NPR1: variants seen among roughly 807,000 people sequenced by gnomAD.
NPR1 encodes atrial natriuretic peptide receptor 1.
In NPR1, 57 loss-of-function variants were observed where a neutral mutation model predicts 116.9. That is an observed-to-expected ratio of 0.49 (90% CI 0.39 to 0.61). The LOEUF (loss-of-function observed/expected upper bound fraction) is 0.61, where lower values mean the gene tolerates loss of function less well. Ranked by LOEUF, NPR1 falls within the 20% of genes least tolerant of loss-of-function variation. The probability of loss-of-function intolerance (pLI) is 0.00; values close to 1 mark genes in which losing one functional copy is unlikely to be tolerated. For missense variants in NPR1, 1,096 were observed against 1,409.8 expected (o/e 0.78, Z 3.56); for synonymous variants, 555 against 601.6 (o/e 0.92, Z 1.13).
rs1212730638 is a variant in NPR1, at chr1:153,680,555, T to C, written c.776T>C (p.Leu259Pro). Residue 259 changes from leucine to proline, a missense_variant, in exon 2 of 22, where the codon CTG (leucine) becomes CCG (proline). Coordinates refer to ENST00000368680, the MANE Select transcript of NPR1 (RefSeq NM_000906.4). ...DAFRTLMLLA[L>P]EAGLCGEDYV... The stretch of plus-strand genomic sequence containing the variant: ...TTCAGAACCCTCATGCTCCTGGCCC[T>C]GGAAGCTGGCTTGTGTGGGGAGGAC... 6.2e-7 allele frequency: 1 copy of C among 1,614,188 alleles called. No individual in the cohort carries two copies. The highest frequency in any genetic ancestry group is 8.5e-7 in the Non-Finnish European group (1 of 1,180,034).
At chr1:153,690,059 C>T (rs1341922681) in intron 19 of NPR1, 79 bp downstream of exon 19, 6 of 1,311,324 alleles carry the variant, frequency 4.6e-6, no homozygotes, top group Admixed American at 5.1e-5. Flanking sequence ...CCCAGCCCCT[C>T]GCCCTTTCAT....
Position 153,680,686 on chromosome 1 carries a change from C to G in NPR1, c.907C>G (p.Arg303Gly), listed in dbSNP as rs561449958. The G allele has an allele frequency of 6.2e-7, 1 of 1,613,306 alleles. No individual in the cohort carries two copies. Among genetic ancestry groups the G allele is most frequent in the East Asian group, 2.2e-5 (1 of 44,878 alleles). The change falls in exon 2 of 22, where the codon CGC becomes GGC. Residue 303 changes from arginine to glycine, a missense_variant. Transcript: ENST00000368680. ...ERGDGQDVSA[R>G]QAFQAAKIIT... ...AGGGGATGGGCAGGATGTCAGTGCCCGCCAGGCCTTTCAGGTGAGTACCTA... is the reference window on the plus strand; with the variant it reads ...AGGGGATGGGCAGGATGTCAGTGCCGGCCAGGCCTTTCAGGTGAGTACCTA...
In NPR1 at chr1:153,689,739, G is replaced by A. The variant is rs1670039783; in HGVS notation, c.2758-67G>A. 1 of 1,434,338 alleles carries A rather than the reference G, an allele frequency of 7.0e-7. No homozygotes were observed. Among genetic ancestry groups the A allele is most frequent in the Non-Finnish European group, 9.4e-7 (1 of 1,065,396 alleles). The allele number at this position is 1,434,338 out of a possible 1,614,324, so 88.9% of individuals were successfully genotyped here. A position where few individuals can be genotyped will look rare whatever the true frequency, so the allele number is the denominator to read the frequency against. Reference sequence around the variant, plus strand: ...TACAGAATGACAGACGCTGCACCCGGTGTGACGGTGTGGCCGGCCGCACAG... The same window carrying A: ...TACAGAATGACAGACGCTGCACCCGATGTGACGGTGTGGCCGGCCGCACAG... On this transcript the variant is annotated intron_variant, in intron 18 of 21. Coordinates refer to ENST00000368680, the MANE Select transcript of NPR1 (RefSeq NM_000906.4). This position sits in a 1 kb window ranked among gnomAD's most constrained non-coding sequence, Gnocchi z 5.1.
At chr1:153,684,903 G>A in intron 7 of NPR1, 61 bp from the exon 8 acceptor site, 3 of 1,603,584 alleles carry the variant, frequency 1.9e-6, no homozygotes, top group Non-Finnish European at 2.6e-6. Flanking sequence ...AGGGGCTGCT[G>A]AGCACCCTGC....
chr1:153,679,705 C>T lies in NPR1; in HGVS notation c.597C>T (p.Leu199=). Residue 199 remains leucine, a synonymous_variant, in exon 1 of 22, where the codon CTC becomes CTT. Coordinates refer to ENST00000368680, the MANE Select transcript of NPR1 (RefSeq NM_000906.4). The surrounding 1 kb of genome is among the most constrained non-coding windows in gnomAD (Gnocchi z 4.2). ...GTGACGAAGAGCACTGCTTCTTCCT[C>T]GTGGAGGGGCTGTTCATGCGGGTCC... ...RPGDEEHCFF[L]VEGLFMRVRD... is the part of the protein sequence containing the mutation. 1.2e-6 allele frequency: 2 copies of T among 1,609,072 alleles called. No individual in the cohort carries two copies. Among genetic ancestry groups the T allele is most frequent in the Middle Eastern group, 1.7e-4 (1 of 6,056 alleles).
At position 153,678,894 on chromosome 1, in the gene NPR1, C is replaced by T; in HGVS notation, c.-215C>T. 1 of 558,276 alleles carries T rather than the reference C, an allele frequency of 1.8e-6. No individual in the cohort carries two copies. Among genetic ancestry groups the T allele is most frequent in the South Asian group, 3.3e-5 (1 of 30,292 alleles). The allele number at this position is 558,276 out of a possible 1,614,324, so 34.6% of individuals were successfully genotyped here. A position where few individuals can be genotyped will look rare whatever the true frequency, so the allele number is the denominator to read the frequency against. ...GTTCTCCTGGCACCCACCTGCTCCGCGGCGCCCTGCGCGCCCCCCTCGGTC... is the reference window on the plus strand; with the variant it reads ...GTTCTCCTGGCACCCACCTGCTCCGTGGCGCCCTGCGCGCCCCCCTCGGTC... On this transcript the variant is annotated 5_prime_UTR_variant, in exon 1 of 22. Transcript: ENST00000368680. This position sits in a 1 kb window ranked among gnomAD's most constrained non-coding sequence, Gnocchi z 5.8.
chr1:153,682,182 G>A (rs1427276196), intron 4 of NPR1, among the ~76,000 whole-genome samples: 2 of 151,914 alleles, frequency 1.3e-5, no homozygotes, highest in African/African-American at 4.8e-5. Flanking sequence ...AGCCTCCTGA[G>A]TAGCTGGGAT....
At position 153,679,498 on chromosome 1, in the gene NPR1, G is replaced by T. The variant is rs904725157; in HGVS notation, c.390G>T (p.Ala130=). 5 of 1,537,148 alleles carry T rather than the reference G, an allele frequency of 3.3e-6. No individual in the cohort carries two copies. In the African/African-American group the frequency reaches 4.1e-5, roughly 13 times the overall value. The change falls in exon 1 of 22, where the codon GCG becomes GCT. Residue 130 remains alanine, a synonymous_variant. Coordinates refer to ENST00000368680, the MANE Select transcript of NPR1 (RefSeq NM_000906.4). This position sits in a 1 kb window ranked among gnomAD's most constrained non-coding sequence, Gnocchi z 4.2. ...YAAAPVGRFT[A]HWRVPLLTAG... is the part of the protein sequence containing the mutation. ...CCGCCCCAGTGGGGCGCTTCACCGC[G>T]CACTGGCGGGTCCCGCTGCTGACCG...
intron 6 of NPR1, 75 bp downstream of exon 6, chr1:153,683,586 C>T: frequency 6.3e-7 from 1 of 1,592,938 alleles, no homozygotes; most frequent in Non-Finnish European, 8.6e-7. Flanking sequence ...CGAGTAGGTG[C>T]TCCTGTCCCA....
In NPR1 at chr1:153,683,351, A is replaced by G. The variant is rs1483134581; in HGVS notation, c.1264-25A>G. ...ATGCCTTCCCCGCAGGCCCTGGCCT[A>G]GCCACCACTCCTGCTCTCCCTTAGG... On this transcript the variant is annotated intron_variant, in intron 5 of 21. Coordinates refer to ENST00000368680, the MANE Select transcript of NPR1 (RefSeq NM_000906.4). 1.9e-6 allele frequency: 3 copies of G among 1,610,220 alleles called. No individual in the cohort carries two copies. In the South Asian group the frequency reaches 3.3e-5, roughly 18 times the overall value.
rs771682731 is a variant in NPR1, at chr1:153,687,215, C to T, written c.1951C>T (p.His651Tyr). The T allele has an allele frequency of 6.2e-7, 1 of 1,614,160 alleles. No individual in the cohort carries two copies. The highest frequency in any genetic ancestry group is 8.5e-7 in the Non-Finnish European group (1 of 1,180,002). ...NDIVKGMLFL[H>Y]NGAICSHGNL... ...ACATTTCCAGGGCATGCTGTTTCTA[C>T]ACAATGGGGCTATCTGTTCCCATGG... Residue 651 changes from histidine (H) to tyrosine (Y), a missense_variant, in exon 13 of 22, where the codon CAC (histidine) becomes TAC (tyrosine). Transcript: ENST00000368680.
chr1:153,688,321 A>C, intron 15 of NPR1, 100 bp downstream of exon 15: 1 of 1,226,308 alleles, frequency 8.2e-7, no homozygotes, highest in South Asian at 1.4e-5. Context: ...GCAGAGGGAG[A>C]CCACTCACCT....
At position 153,689,103 on chromosome 1, in the gene NPR1, A is replaced by G. The variant is rs1670016202; in HGVS notation, c.2564+4A>G. ...TGCTCTACCAGATCCTGCCTCAGTGAGTGCCTGAGTCTGGGGACCCCCCCC... is the reference window on the plus strand; with the variant it reads ...TGCTCTACCAGATCCTGCCTCAGTGGGTGCCTGAGTCTGGGGACCCCCCCC... On this transcript the variant is annotated splice_donor_region_variant and intron_variant, in intron 16 of 21. Coordinates refer to ENST00000368680, the MANE Select transcript of NPR1 (RefSeq NM_000906.4). The surrounding 1 kb of genome is among the most constrained non-coding windows in gnomAD (Gnocchi z 5.1). 3 of 1,614,134 alleles carry G rather than the reference A, an allele frequency of 1.9e-6. No homozygotes were observed. The highest frequency in any genetic ancestry group is 4.5e-5 in the East Asian group (2 of 44,874).
chr1:153,680,737 T>A (rs768018074), intron 2 of NPR1, 37 bp downstream of exon 2: 14 of 1,528,832 alleles, frequency 9.2e-6, no homozygotes, highest in Non-Finnish European at 1.1e-5. Flanking sequence ...CTGTCTCAGC[T>A]TGTGGCACAT....
chr1:153,680,899 G>GC, intron 2 of NPR1, 199 bp downstream of exon 2: 1 of 619,480 alleles, frequency 1.6e-6, no homozygotes. Flanking sequence ...GCAGGGGACT[G>GC]CCCAGGGGCG....
At chr1:153,684,760 G>A (rs1398934798) in intron 7 of NPR1, among the ~76,000 whole-genome samples, 1 of 152,128 alleles carries the variant, frequency 6.6e-6, no homozygotes, top group African/African-American at 2.4e-5. Context: ...TCATTCCCAA[G>A]TAAGGACATT....
At chr1:153,688,706 G>C (rs1188570179) in intron 15 of NPR1, 1 of 551,766 alleles carries the variant, frequency 1.8e-6, no homozygotes, top group Non-Finnish European at 3.2e-6. Context: ...TAACTCACTG[G>C]GTTCAACAAA....
rs1444785073 is a variant in NPR1, at chr1:153,679,523, GCCGGCGCC to G, written c.423_430del (p.Pro142GlyfsTer48). The G allele has an allele frequency of 9.1e-6, 14 of 1,536,560 alleles. No individual in the cohort carries two copies. Among genetic ancestry groups the G allele is most frequent in the Non-Finnish European group, 1.2e-5 (14 of 1,146,134 alleles). ...GCACTGGCGGGTCCCGCTGCTGACC[GCCGGCGCC>G]CCGGCGCTGGGCTTCGGTGTCAAGG... On this transcript the variant is annotated frameshift_variant, in exon 1 of 22. Transcript: ENST00000368680. LOFTEE classifies it high-confidence loss of function. This position sits in a 1 kb window ranked among gnomAD's most constrained non-coding sequence, Gnocchi z 4.2.
chr1:153,685,228 TCTC>T, intron 8 of NPR1, 144 bp downstream of exon 8: 1 of 1,121,150 alleles, frequency 8.9e-7, no homozygotes, highest in Non-Finnish European at 1.2e-6. Flanking sequence ...TCATAGTCCC[TCTC>T]CGAGACTGTC....
Sources: gnomAD v4.1 joint callset for allele counts (sites outside exome capture counted in the v4.1 genomes callset) on GRCh38, gnomAD v4.1.1 for gene constraint, Gnocchi (gnomAD v3.1) non-coding constraint, MANE v1.5 for transcripts, NCBI Gene and HGNC (gene_info 2026-07-23, HGNC 2026-07-21) for gene names.